TBC1D22A: variants seen among roughly 807,000 people sequenced by gnomAD.
The protein encoded by TBC1D22A is TBC1 domain family member 22A, also known as putative GTPase activator.
A neutral mutation model predicts 60.2 loss-of-function variants in TBC1D22A; 38 were observed. The observed-to-expected ratio is 0.63, with a 90% CI of 0.49 to 0.83. The LOEUF (loss-of-function observed/expected upper bound fraction) is 0.83, where lower values mean the gene tolerates loss of function less well. Among genes scored for constraint, TBC1D22A ranks in the 40% least tolerant of loss-of-function variants. The probability of loss-of-function intolerance (pLI) is 0.00; values close to 1 mark genes in which losing one functional copy is unlikely to be tolerated. For missense variants in TBC1D22A, 628 were observed against 701.0 expected (o/e 0.90, Z 1.18); for synonymous variants, 302 against 281.7 (o/e 1.07, Z -0.72).
chr22:47,124,771 G>A (rs1359323268), intron 12 of TBC1D22A, among the ~76,000 whole-genome samples: 1 of 152,124 alleles, frequency 6.6e-6, no homozygotes, highest in Admixed American at 6.5e-5. Flanking sequence ...GGGCCCGCGG[G>A]GGAAGCAGGT....
chr22:47,153,623 G>T (rs1326303568), intron 12 of TBC1D22A, among the ~76,000 whole-genome samples: 1 of 152,098 alleles, frequency 6.6e-6, no homozygotes, highest in East Asian at 1.9e-4. Context: ...AGCGAAAGAT[G>T]AGAGATACCA....
chr22:46,788,327 A>G (rs1248106231), intron 1 of TBC1D22A, among the ~76,000 whole-genome samples: 1 of 152,214 alleles, frequency 6.6e-6, no homozygotes, highest in Non-Finnish European at 1.5e-5. Context: ...GGTTGCAAAG[A>G]TTAAAGGACT....
At chr22:47,000,931 TG>T (rs2061386045) in intron 10 of TBC1D22A, among the ~76,000 whole-genome samples, 1 of 152,168 alleles carries the variant, frequency 6.6e-6, no homozygotes, top group Non-Finnish European at 1.5e-5. Flanking sequence ...AGCTAGGACC[TG>T]GCTAGGTATG....
rs769717225 is a variant in TBC1D22A at position 46,793,528 on chromosome 22, G to A, written c.147G>A (p.Pro49=). The A allele has an allele frequency of 2.0e-5, 33 of 1,613,994 alleles. 1 individual carries two copies. In the East Asian group the frequency reaches 4.5e-4, roughly 22 times the overall value. ...TGCTCAGGTCCACGGCCAAGATGCCGACCACACCAGTGAAGGCCAAGAGGG... is the reference window on the plus strand; with the variant it reads ...TGCTCAGGTCCACGGCCAAGATGCCAACCACACCAGTGAAGGCCAAGAGGG... ...GTLLRSTAKM[P]TTPVKAKRVS... is the part of the protein sequence containing the mutation. The change falls in exon 3 of 13, where the codon CCG becomes CCA. Residue 49 remains proline (P), a synonymous_variant. Coordinates refer to ENST00000337137, the MANE Select transcript of TBC1D22A (RefSeq NM_014346.5).
chr22:47,113,052 C>T (rs2065907715), intron 12 of TBC1D22A, among the ~76,000 whole-genome samples: 1 of 152,230 alleles, frequency 6.6e-6, no homozygotes, highest in Admixed American at 6.5e-5. Flanking sequence ...ACAGTAGGCT[C>T]TCCATCTGTG....
chr22:47,154,585 T>C (rs2067638461), intron 12 of TBC1D22A, among the ~76,000 whole-genome samples: 1 of 152,164 alleles, frequency 6.6e-6, no homozygotes, highest in African/African-American at 2.4e-5. Context: ...CTCAGGAAGC[T>C]GGGGGACCCC....
intron 8 of TBC1D22A, among the ~76,000 whole-genome samples, chr22:46,969,456 G>C (rs1201253488): frequency 2.0e-5 from 3 of 152,150 alleles, no homozygotes; most frequent in Admixed American, 6.5e-5. Context: ...TTTACAAATT[G>C]GTTGTTTTCC....
intron 12 of TBC1D22A, among the ~76,000 whole-genome samples, chr22:47,172,011 G>GT (rs1198216797): frequency 1.3e-5 from 1 of 74,684 alleles, no homozygotes; most frequent in African/African-American, 6.6e-5. Flanking sequence ...AGCCCAGTGT[G>GT]CCTACCCAGC....
intron 12 of TBC1D22A, 68 bp downstream of exon 12, chr22:47,111,671 T>C: frequency 1.4e-6 from 2 of 1,410,892 alleles, no homozygotes; most frequent in Non-Finnish European, 2.0e-6. Context: ...TATTACATTT[T>C]AGTTCACAGG....
chr22:46,960,870 C>G (rs972448516), intron 8 of TBC1D22A, among the ~76,000 whole-genome samples: 1 of 150,876 alleles, frequency 6.6e-6, no homozygotes, highest in African/African-American at 2.4e-5. Flanking sequence ...TGGCGTGAAC[C>G]CAGGAGGCGG....
intron 11 of TBC1D22A, among the ~76,000 whole-genome samples, chr22:47,050,237 T>C (rs534833032): frequency 6.6e-6 from 1 of 151,842 alleles, no homozygotes; most frequent in East Asian, 1.9e-4. Context: ...ACTCCTGACC[T>C]CAAGTGATCC....
At chr22:47,105,299 A>G (rs1467272804) in intron 11 of TBC1D22A, among the ~76,000 whole-genome samples, 1 of 152,218 alleles carries the variant, frequency 6.6e-6, no homozygotes, top group Non-Finnish European at 1.5e-5. Context: ...TGGTGTCCGA[A>G]AGACCCTCCT....
At chr22:46,778,505 CATT>C in intron 1 of TBC1D22A, among the ~76,000 whole-genome samples, 1 of 152,100 alleles carries the variant, frequency 6.6e-6, no homozygotes. Context: ...CAGACACACA[CATT>C]AGCCTAGGCC....
At chr22:47,127,195 A>AT (rs1260690632) in intron 12 of TBC1D22A, among the ~76,000 whole-genome samples, 1 of 148,462 alleles carries the variant, frequency 6.7e-6, no homozygotes, top group Non-Finnish European at 1.5e-5. Context: ...ATTGGCATGG[A>AT]TTTTTTTGTC....
intron 7 of TBC1D22A, among the ~76,000 whole-genome samples, chr22:46,897,747 A>G (rs954709100): frequency 2.1e-5 from 3 of 142,244 alleles, no homozygotes; most frequent in African/African-American, 8.0e-5. Context: ...GTGTTTTATT[A>G]GATTTATTCT....
At chr22:47,052,045 A>T (rs534094911) in intron 11 of TBC1D22A, among the ~76,000 whole-genome samples, 1 of 150,742 alleles carries the variant, frequency 6.6e-6, no homozygotes, top group South Asian at 2.2e-4. Context: ...CTTCAGCGGT[A>T]AGGCAGGGTG....
chr22:46,847,918 GGTGT>G (rs58012028), intron 4 of TBC1D22A, among the ~76,000 whole-genome samples: 12,515 of 134,074 alleles, frequency 0.093, 583 homozygotes, highest in Middle Eastern at 0.16. Context: ...TACCCTAGTG[GGTGT>G]GTGTGTGTGT....
intron 11 of TBC1D22A, among the ~76,000 whole-genome samples, chr22:47,062,571 C>T (rs763647540): frequency 2.6e-4 from 39 of 152,076 alleles, no homozygotes; most frequent in Non-Finnish European, 5.1e-4. Context: ...CTTCCTCTAG[C>T]GTGAGTGCCG....
chr22:47,110,343 G>A (rs773305983), intron 11 of TBC1D22A, among the ~76,000 whole-genome samples: 4 of 152,140 alleles, frequency 2.6e-5, no homozygotes, highest in Non-Finnish European at 5.9e-5. Flanking sequence ...GCCAGGTGTG[G>A]TGGCGCACGT....
Sources: allele counts gnomAD v4.1 joint callset (sites outside exome capture counted in the v4.1 genomes callset), GRCh38; gene constraint gnomAD v4.1.1; transcripts MANE v1.5; gene names NCBI Gene and HGNC (gene_info 2026-07-23, HGNC 2026-07-21).